Variants in RGS21 observed in about 807,000 individuals in gnomAD.
The protein encoded by RGS21 is regulator of G protein signaling 21.
Under a neutral mutation model 18.7 loss-of-function variants are expected in RGS21, and 19 were observed. The observed-to-expected ratio is 1.01, with a 90% CI of 0.71 to 1.49. The LOEUF (loss-of-function observed/expected upper bound fraction) is 1.49. Among genes scored for constraint, RGS21 ranks in the 40% most tolerant of loss-of-function variants. RGS21 has a pLI of 0.00. For synonymous variants in RGS21, 56 were observed against 57.8 expected, an observed-to-expected ratio of 0.97 and a Z score of 0.14; for missense variants, 194 against 176.8, an observed-to-expected ratio of 1.10 and a Z score of -0.55.
intron 1 of RGS21, among the ~76,000 whole-genome samples, chr1:192,320,623 C>A (rs1326564215): frequency 6.6e-6 from 1 of 151,636 alleles, no homozygotes; most frequent in Non-Finnish European, 1.5e-5. Flanking sequence ...AAAATACATT[C>A]AATCTAAAGC....
chr1:192,339,718 T>A (rs973095410), intron 1 of RGS21, among the ~76,000 whole-genome samples: 14 of 152,088 alleles, frequency 9.2e-5, no homozygotes, highest in African/African-American at 2.2e-4. Flanking sequence ...TTTAAAAAAA[T>A]TTTCTTAAAC....
At chr1:192,333,847 T>C (rs1267809285) in intron 1 of RGS21, among the ~76,000 whole-genome samples, 1 of 152,140 alleles carries the variant, frequency 6.6e-6, no homozygotes, top group Non-Finnish European at 1.5e-5. Flanking sequence ...GGTTTGTTAC[T>C]GCACTATAAT....
chr1:192,330,110 T>C (rs996870489), intron 1 of RGS21, among the ~76,000 whole-genome samples: 21 of 152,194 alleles, frequency 1.4e-4, no homozygotes, highest in African/African-American at 5.1e-4. Flanking sequence ...ATATTTAACT[T>C]ATCCTTATGG....
intron 4 of RGS21, among the ~76,000 whole-genome samples, chr1:192,361,500 A>G (rs922600471): frequency 2.0e-4 from 30 of 152,174 alleles, no homozygotes; most frequent in African/African-American, 6.8e-4. Context: ...ACTTAACATT[A>G]TCAGAAGCTT....
chr1:192,347,396 T>G lies in RGS21; in HGVS notation c.88+7T>G, dbSNP rs762046410. ...ACGCTTTTAGCCAACCAAGGTAAGA[T>G]TTAACTAATAATAGGCTTAAAATAC... is the stretch of plus-strand genomic sequence containing the variant. On this transcript the variant is annotated splice_region_variant and intron_variant, in intron 3 of 4. Coordinates refer to ENST00000417209, the MANE Select transcript of RGS21 (RefSeq NM_001039152.3). 2 of 1,427,882 alleles carry G rather than the reference T, an allele frequency of 1.4e-6. No individual in the cohort carries two copies. Among genetic ancestry groups the G allele is most frequent in the Admixed American group, 1.7e-5 (1 of 59,650 alleles). 88.5% of individuals were successfully genotyped at this position (1,427,882 alleles called of 1,614,324 possible).
chr1:192,340,236 A>G (rs1658838217), intron 1 of RGS21, among the ~76,000 whole-genome samples: 1 of 152,130 alleles, frequency 6.6e-6, no homozygotes, highest in African/African-American at 2.4e-5. Flanking sequence ...CCATATTATT[A>G]TCTTCACCAT....
At chr1:192,347,263 T>C (rs1428634312) in intron 2 of RGS21, 50 bp from the exon 3 acceptor site, 2 of 1,090,466 alleles carry the variant, frequency 1.8e-6, no homozygotes, top group Admixed American at 3.4e-5. Flanking sequence ...AACTCGAATA[T>C]TACTATTGGT....
intron 1 of RGS21, among the ~76,000 whole-genome samples, chr1:192,338,474 G>C (rs960549567): frequency 6.6e-6 from 1 of 151,840 alleles, no homozygotes; most frequent in Non-Finnish European, 1.5e-5. Flanking sequence ...GGCAAATAAC[G>C]ATCAGTGCGA....
chr1:192,336,997 TTAAA>T (rs1223308603), intron 1 of RGS21, among the ~76,000 whole-genome samples: 11 of 152,148 alleles, frequency 7.2e-5, no homozygotes, highest in South Asian at 2.1e-4. Context: ...AATAACATAA[TTAAA>T]TAAACTTTAA....
chr1:192,341,794 T>G (rs1658865849), intron 1 of RGS21, among the ~76,000 whole-genome samples: 1 of 151,712 alleles, frequency 6.6e-6, no homozygotes, highest in African/African-American at 2.4e-5. Context: ...CAAGAGGGTC[T>G]TTAAATTTTG....
chr1:192,354,877 T>G (rs937802660), intron 4 of RGS21, among the ~76,000 whole-genome samples: 1 of 151,758 alleles, frequency 6.6e-6, no homozygotes, highest in Non-Finnish European at 1.5e-5. Context: ...CTGATGCAAT[T>G]GGACAATTTA....
At chr1:192,330,177 T>C (rs571023613) in intron 1 of RGS21, among the ~76,000 whole-genome samples, 7 of 152,134 alleles carry the variant, frequency 4.6e-5, no homozygotes, top group Admixed American at 1.3e-4. Context: ...GTACACAAGA[T>C]AGAAAGTGAT....
At chr1:192,320,797 A>C (rs1002477312) in intron 1 of RGS21, among the ~76,000 whole-genome samples, 1 of 152,068 alleles carries the variant, frequency 6.6e-6, no homozygotes, top group Non-Finnish European at 1.5e-5. Flanking sequence ...CTAACTGACT[A>C]AAAATATTTT....
rs548848677 is a variant in RGS21 at position 192,343,005 on chromosome 1, G to T, written c.-32G>T. ...GAAGATCAGTCAGAAAGAGAAACTC[G>T]GCATCATCTGTGACAGACAGTGGAA... On this transcript the variant is annotated 5_prime_UTR_variant, in exon 2 of 5. Transcript: ENST00000417209. The T allele has an allele frequency of 6.2e-7, 1 of 1,611,110 alleles. No homozygotes were observed. Among genetic ancestry groups the T allele is most frequent in the Non-Finnish European group, 8.5e-7 (1 of 1,177,610 alleles).
At chr1:192,359,337 C>T (rs185844091) in intron 4 of RGS21, among the ~76,000 whole-genome samples, 2 of 152,016 alleles carry the variant, frequency 1.3e-5, no homozygotes. Context: ...AGATGCTCAG[C>T]GAAGTCTAAG....
At chr1:192,321,079 A>G (rs1416286455) in intron 1 of RGS21, among the ~76,000 whole-genome samples, 1 of 151,962 alleles carries the variant, frequency 6.6e-6, no homozygotes, top group Admixed American at 6.6e-5. Flanking sequence ...AAATATCCTA[A>G]TATTTAAATT....
chr1:192,363,878 G>A (rs1659220273), intron 4 of RGS21, among the ~76,000 whole-genome samples: 1 of 152,044 alleles, frequency 6.6e-6, no homozygotes, highest in African/African-American at 2.4e-5. Flanking sequence ...GATTCTTAGA[G>A]CACCATCTTC....
intron 2 of RGS21, among the ~76,000 whole-genome samples, chr1:192,343,765 A>C (rs1203561382): frequency 1.3e-5 from 2 of 152,092 alleles, no homozygotes; most frequent in African/African-American, 4.8e-5. Context: ...ACAAAAACTT[A>C]CTCTGATTAT....
At position 192,366,219 on chromosome 1, in the gene RGS21, T is replaced by C; in HGVS notation, c.*95T>C. On this transcript the variant is annotated 3_prime_UTR_variant, in exon 5 of 5. Transcript: ENST00000417209. Reference sequence around the variant, plus strand: ...TGTCTTTTGTTTTGTTTTTAGGATTTAGAAAACATTTTTTACCCAAACAGA... The same window carrying C: ...TGTCTTTTGTTTTGTTTTTAGGATTCAGAAAACATTTTTTACCCAAACAGA... The C allele has an allele frequency of 1.3e-6, 1 of 776,008 alleles. No homozygotes were observed. Among genetic ancestry groups the C allele is most frequent in the Non-Finnish European group, 2.1e-6 (1 of 476,892 alleles). The allele number at this position is 776,008 out of a possible 1,614,324, so 48.1% of individuals were successfully genotyped here.
Sources: allele counts gnomAD v4.1 joint callset (sites outside exome capture counted in the v4.1 genomes callset), GRCh38; gene constraint gnomAD v4.1.1; transcripts MANE v1.5; gene names NCBI Gene and HGNC (gene_info 2026-07-23, HGNC 2026-07-21).